Variants in BCKDHB observed in about 807,000 individuals in gnomAD.
BCKDHB encodes 2-oxoisovalerate dehydrogenase subunit beta, mitochondrial.
Under a neutral mutation model 48.5 loss-of-function variants are expected in BCKDHB, and 41 were observed. The observed-to-expected ratio is 0.85, with a 90% CI of 0.66 to 1.10. BCKDHB has a LOEUF of 1.10. BCKDHB is among the 50% of genes least tolerant of loss of function. The probability of loss-of-function intolerance (pLI) is 0.00; values close to 1 mark genes in which losing one functional copy is unlikely to be tolerated. For missense variants in BCKDHB, 496 were observed against 494.2 expected (o/e 1.00, Z -0.03); for synonymous variants, 201 against 174.8 (o/e 1.15, Z -1.18).
the BCKDHB span, among the ~76,000 whole-genome samples, chr6:80,457,893 A>G: frequency 2.0e-5 from 3 of 152,214 alleles, no homozygotes; most frequent in African/African-American, 7.2e-5. Context: ...GGGTTTGTAT[A>G]TCTGGAAATA....
At chr6:80,318,686 TA>T (rs756830332) in intron 9 of BCKDHB, among the ~76,000 whole-genome samples, 4,330 of 117,172 alleles carry the variant, frequency 0.037, 191 homozygotes, top group African/African-American at 0.12. Context: ...CTCTCTCTCT[TA>T]AAAAAAAAAA....
the BCKDHB span, among the ~76,000 whole-genome samples, chr6:80,412,245 G>A: frequency 6.7e-6 from 1 of 149,572 alleles, no homozygotes; most frequent in African/African-American, 2.5e-5. Context: ...TTGGGTTCAA[G>A]TGATTCTGCT....
intron 8 of BCKDHB, chr6:80,251,679 C>T (rs894637050): frequency 1.3e-5 from 2 of 152,156 alleles, no homozygotes; most frequent in Admixed American, 1.3e-4. Flanking sequence ...AAAAATTATT[C>T]TTAGGGTCTG....
intron 8 of BCKDHB, among the ~76,000 whole-genome samples, chr6:80,203,482 T>C (rs1774496023): frequency 6.6e-6 from 1 of 152,100 alleles, no homozygotes. Flanking sequence ...TGGGTTGAAT[T>C]GTGTGAGTCA....
chr6:80,210,670 A>C (rs1279986027), intron 8 of BCKDHB, among the ~76,000 whole-genome samples: 1 of 152,132 alleles, frequency 6.6e-6, no homozygotes, highest in Non-Finnish European at 1.5e-5. Context: ...TTATGGACTC[A>C]GGGAGAGAGA....
the BCKDHB span, among the ~76,000 whole-genome samples, chr6:80,419,934 C>A: frequency 1.3e-5 from 2 of 152,132 alleles, no homozygotes; most frequent in South Asian, 4.1e-4. Flanking sequence ...TATCAAAGCT[C>A]TCTAATAAAA....
the BCKDHB span, among the ~76,000 whole-genome samples, chr6:80,435,489 G>A: frequency 6.6e-6 from 1 of 152,022 alleles, no homozygotes; most frequent in Admixed American, 6.6e-5. Context: ...TAGTCACTGT[G>A]CAACATTCTA....
At chr6:80,166,063 A>G (rs767304490) in intron 3 of BCKDHB, among the ~76,000 whole-genome samples, 2 of 152,202 alleles carry the variant, frequency 1.3e-5, no homozygotes, top group African/African-American at 2.4e-5. Flanking sequence ...TTTGCAGGAC[A>G]AGGCTTATGA....
At chr6:80,236,528 G>A (rs1685074965) in intron 8 of BCKDHB, among the ~76,000 whole-genome samples, 2 of 152,182 alleles carry the variant, frequency 1.3e-5, no homozygotes, top group Non-Finnish European at 2.9e-5. Context: ...TTGTTTACAT[G>A]GGTAAAAAGC....
chr6:80,206,611 G>A (rs6454147), intron 8 of BCKDHB, among the ~76,000 whole-genome samples: 98,743 of 151,032 alleles, frequency 0.65, 33,084 homozygotes, highest in African/African-American at 0.8. Context: ...GGAGCCATCA[G>A]AGAAATATAT....
intron 9 of BCKDHB, among the ~76,000 whole-genome samples, chr6:80,334,794 A>G (rs1012578159): frequency 7.0e-5 from 10 of 143,732 alleles, no homozygotes; most frequent in African/African-American, 2.5e-4. Context: ...GAAATTTAGC[A>G]TATTTAAAGA....
In BCKDHB at chr6:80,106,865, C is replaced by A. The variant is rs1179381532; in HGVS notation, c.172C>A (p.Pro58Thr). ...RRQVAHFTFQ[P>T]DPEPREYGQT... is the part of the protein sequence containing the mutation. The stretch of plus-strand genomic sequence containing the variant: ...GCAGGTGGCTCATTTTACTTTCCAG[C>A]CAGATCCGGAGCCCCGGGAGTACGG... The change falls in exon 1 of 10, where the codon CCA becomes ACA. Residue 58 changes from proline to threonine, a missense_variant. By Grantham distance (38) the Pro-to-Thr change is conservative (BLOSUM62 -1). Coordinates refer to ENST00000320393, the MANE Select transcript of BCKDHB (RefSeq NM_183050.4). 4.4e-6 allele frequency: 7 copies of A among 1,609,160 alleles called. No homozygotes were observed. In the African/African-American group the frequency reaches 5.3e-5, roughly 12 times the overall value.
At chr6:80,282,626 A>G (rs1766393234) in intron 9 of BCKDHB, among the ~76,000 whole-genome samples, 1 of 152,148 alleles carries the variant, frequency 6.6e-6, no homozygotes. Context: ...TAAAATAGTA[A>G]ATGAAAACTC....
the BCKDHB span, among the ~76,000 whole-genome samples, chr6:80,358,795 G>A: frequency 5.4e-3 from 817 of 152,286 alleles, 11 homozygotes; most frequent in African/African-American, 0.019. Flanking sequence ...AATAGAGGTG[G>A]TGGCTGCAAA....
chr6:80,266,829 CTG>C (rs1285942785), intron 8 of BCKDHB, among the ~76,000 whole-genome samples: 1 of 152,028 alleles, frequency 6.6e-6, no homozygotes, highest in Non-Finnish European at 1.5e-5. Context: ...ATTACTGTGT[CTG>C]TGTGCTTTTT....
intron 9 of BCKDHB, among the ~76,000 whole-genome samples, chr6:80,339,532 T>C (rs1160976232): frequency 3.3e-5 from 5 of 152,242 alleles, no homozygotes; most frequent in Non-Finnish European, 7.3e-5. Flanking sequence ...TTGCTTTCTT[T>C]TCTGGCTATA....
At chr6:80,452,604 A>T in the BCKDHB span, among the ~76,000 whole-genome samples, 2 of 152,216 alleles carry the variant, frequency 1.3e-5, no homozygotes, top group Non-Finnish European at 2.9e-5. Flanking sequence ...TGTGTGTGAC[A>T]GTTTAACTTT....
chr6:80,345,754 G>T lies in BCKDHB; in HGVS notation c.*1950G>T, dbSNP rs1770172402. 6.6e-6 allele frequency: 1 copy of T among 152,198 alleles called. No homozygotes were observed. 9.4% of individuals were successfully genotyped at this position (152,198 alleles called of 1,614,324 possible). On this transcript the variant is annotated 3_prime_UTR_variant, in exon 10 of 10. Coordinates refer to ENST00000320393, the MANE Select transcript of BCKDHB (RefSeq NM_183050.4). Reference sequence around the variant, plus strand: ...GGACCAGCCGTAATAAAGAGCCAAGGTAGTGATGGTGGCCACGTGCCTCGT... The same window carrying T: ...GGACCAGCCGTAATAAAGAGCCAAGTTAGTGATGGTGGCCACGTGCCTCGT...
At chr6:80,332,423 G>T (rs1204269011) in intron 9 of BCKDHB, among the ~76,000 whole-genome samples, 1 of 152,154 alleles carries the variant, frequency 6.6e-6, no homozygotes, top group Non-Finnish European at 1.5e-5. Context: ...CCTGAAGTTT[G>T]TTCTTTAGTA....
Sources: allele counts gnomAD v4.1 joint callset (sites outside exome capture counted in the v4.1 genomes callset), GRCh38; gene constraint gnomAD v4.1.1; transcripts MANE v1.5; gene names NCBI Gene and HGNC (gene_info 2026-07-23, HGNC 2026-07-21).